The following SSH2 variants were observed in gnomAD, a reference collection of about 807,000 sequenced individuals.
SSH2 encodes the protein protein phosphatase Slingshot homolog 2.
A neutral mutation model predicts 135.2 loss-of-function variants in SSH2; 37 were observed. The observed-to-expected ratio is 0.27, with a 90% CI of 0.21 to 0.36. The LOEUF is 0.36. Ranked by LOEUF, SSH2 falls within the 10% of genes least tolerant of loss-of-function variation. SSH2 has a pLI of 1.00. For synonymous variants in SSH2, 628 were observed against 646.2 expected (o/e 0.97, Z 0.43); for missense variants, 1,408 against 1,765.3 (o/e 0.80, Z 3.63).
intron 3 of SSH2, among the ~76,000 whole-genome samples, chr17:29,773,773 G>A (rs1351627072): frequency 6.6e-6 from 1 of 152,176 alleles, no homozygotes; most frequent in Non-Finnish European, 1.5e-5. Context: ...CACCTCCTGG[G>A]TTCAAGCAAT....
chr17:29,777,805 A>AAC (rs1379737386), intron 3 of SSH2: 4 of 152,734 alleles, frequency 2.6e-5, no homozygotes, highest in Non-Finnish European at 5.8e-5. Flanking sequence ...AAAAAAAAAA[A>AAC]AAAAAAAAAA....
chr17:29,814,949 C>CTTTTTTTTTTTTTTT (rs1027393693), intron 2 of SSH2, among the ~76,000 whole-genome samples: 1 of 132,362 alleles, frequency 7.6e-6, no homozygotes. Context: ...CCTTTTCTTT[C>CTTTTTTTTTTTTTTT]TTTTTTTTTT....
chr17:29,868,748 A>C (rs1599117834), intron 1 of SSH2, among the ~76,000 whole-genome samples: 1 of 151,700 alleles, frequency 6.6e-6, no homozygotes, highest in South Asian at 2.1e-4. Flanking sequence ...AAAAAAAAAA[A>C]AAAAAACTCA....
chr17:29,730,846 G>T (rs538661660), intron 3 of SSH2, among the ~76,000 whole-genome samples: 1 of 152,190 alleles, frequency 6.6e-6, no homozygotes, highest in East Asian at 1.9e-4. Context: ...ATTTTAAAAA[G>T]ATATGAAAAT....
At chr17:29,640,046 A>C (rs545911987) in intron 14 of SSH2, among the ~76,000 whole-genome samples, 2 of 152,096 alleles carry the variant, frequency 1.3e-5, no homozygotes, top group East Asian at 3.9e-4. Context: ...TGAGAAGTTT[A>C]ATGATCCCAA....
At chr17:29,847,721 G>C (rs2043157110) in intron 2 of SSH2, among the ~76,000 whole-genome samples, 1 of 152,174 alleles carries the variant, frequency 6.6e-6, no homozygotes, top group Non-Finnish European at 1.5e-5. Flanking sequence ...CAAAGAAACT[G>C]GCCAAAACCA....
intron 9 of SSH2, among the ~76,000 whole-genome samples, chr17:29,668,406 A>T (rs2037361451): frequency 6.6e-6 from 1 of 152,210 alleles, no homozygotes; most frequent in Admixed American, 6.5e-5. Flanking sequence ...TAATGGTAGA[A>T]AATAAATGTA....
chr17:29,693,303 A>C (rs899787584), intron 5 of SSH2, among the ~76,000 whole-genome samples: 2 of 151,642 alleles, frequency 1.3e-5, no homozygotes, highest in African/African-American at 4.9e-5. Context: ...CTTTTAAATA[A>C]TAATAATAAC....
chr17:29,693,211 G>A (rs963321912), intron 5 of SSH2, among the ~76,000 whole-genome samples: 1 of 151,940 alleles, frequency 6.6e-6, no homozygotes, highest in South Asian at 2.1e-4. Context: ...GCCTCCCAAA[G>A]TGCTAGGATT....
At chr17:29,742,239 A>C (rs1254416240) in intron 3 of SSH2, among the ~76,000 whole-genome samples, 1 of 150,946 alleles carries the variant, frequency 6.6e-6, no homozygotes, top group Non-Finnish European at 1.5e-5. Flanking sequence ...CGGTTGCTTC[A>C]CTGATAAGAC....
At chr17:29,796,402 G>A (rs1186867095) in intron 2 of SSH2, among the ~76,000 whole-genome samples, 2 of 152,096 alleles carry the variant, frequency 1.3e-5, no homozygotes, top group Admixed American at 6.5e-5. Flanking sequence ...GTGCAGTGGC[G>A]CAATCTCAGC....
intron 4 of SSH2, 43 bp downstream of exon 4, chr17:29,702,916 G>T: frequency 7.2e-7 from 1 of 1,398,590 alleles, no homozygotes; most frequent in Non-Finnish European, 1.0e-6. Flanking sequence ...TGTAACAAAA[G>T]ATATAGTTAC....
chr17:29,879,223 T>C (rs949826765), intron 1 of SSH2, among the ~76,000 whole-genome samples: 39 of 152,198 alleles, frequency 2.6e-4, no homozygotes, highest in African/African-American at 9.2e-4. Flanking sequence ...TTAAGTATTA[T>C]CATTTCCATA....
At chr17:29,747,458 CATGCA>C (rs982187859) in intron 3 of SSH2, among the ~76,000 whole-genome samples, 1 of 152,184 alleles carries the variant, frequency 6.6e-6, no homozygotes, top group African/African-American at 2.4e-5. Flanking sequence ...ATTCACACAA[CATGCA>C]AAAAGGGTGA....
At chr17:29,824,095 TA>T (rs962144720) in intron 2 of SSH2, among the ~76,000 whole-genome samples, 2 of 152,192 alleles carry the variant, frequency 1.3e-5, no homozygotes, top group African/African-American at 4.8e-5. Flanking sequence ...TATAGCCCTC[TA>T]AGAGCTTCTT....
chr17:29,868,044 G>C (rs2065881948), intron 1 of SSH2, among the ~76,000 whole-genome samples: 6 of 152,152 alleles, frequency 3.9e-5, no homozygotes, highest in Admixed American at 3.9e-4. Context: ...ACTATGATGA[G>C]AGAAGCTGCC....
At chr17:29,638,437 C>A (rs1236768362) in intron 14 of SSH2, among the ~76,000 whole-genome samples, 1 of 150,756 alleles carries the variant, frequency 6.6e-6, no homozygotes, top group African/African-American at 2.4e-5. Context: ...AGGAACATCA[C>A]CAAACTGATA....
chr17:29,856,464 A>T (rs1042944802), intron 1 of SSH2: 2 of 166,092 alleles, frequency 1.2e-5, no homozygotes, highest in African/African-American at 4.8e-5. Flanking sequence ...AGTCTCAGCT[A>T]TGCAAGAGGC....
At chr17:29,841,978 C>G (rs1165062563) in intron 2 of SSH2, among the ~76,000 whole-genome samples, 1 of 148,354 alleles carries the variant, frequency 6.7e-6, no homozygotes, top group Non-Finnish European at 1.5e-5. Context: ...AAGCGATCCT[C>G]CCGCCTCAGC....
Sources: allele counts gnomAD v4.1 joint callset (sites outside exome capture counted in the v4.1 genomes callset), GRCh38; gene constraint gnomAD v4.1.1; transcripts MANE v1.5; gene names NCBI Gene and HGNC (gene_info 2026-07-23, HGNC 2026-07-21).